Variants in MEGF10 observed in about 807,000 individuals in gnomAD.
MEGF10 encodes multiple epidermal growth factor-like domains protein 10.
A neutral mutation model predicts 147.5 loss-of-function variants in MEGF10; 86 were observed. The observed-to-expected ratio is 0.58, with a 90% CI of 0.49 to 0.70. MEGF10 has a LOEUF of 0.70. Among genes scored for constraint, MEGF10 ranks in the 30% least tolerant of loss-of-function variants. The pLI is 0.00. For synonymous variants in MEGF10, 478 were observed against 525.5 expected (o/e 0.91, Z 1.24); for missense variants, 1,329 against 1,487.3 (o/e 0.89, Z 1.75).
chr5:127,363,608 G>A (rs987747439), intron 4 of MEGF10, among the ~76,000 whole-genome samples: 2 of 152,086 alleles, frequency 1.3e-5, no homozygotes, highest in Non-Finnish European at 1.5e-5. Flanking sequence ...GCTGGCCCTG[G>A]TACAAGTAAG....
At position 127,455,280 on chromosome 5, in the gene MEGF10, T is replaced by C. The variant is rs368730019; in HGVS notation, c.3026-121T>C. ...TCCAAAACAAGTGGAAAAGGTACAGTATTATTTTCAGTGTGTAGAATTATG... is the reference window on the plus strand; with the variant it reads ...TCCAAAACAAGTGGAAAAGGTACAGCATTATTTTCAGTGTGTAGAATTATG... On this transcript the variant is annotated intron_variant, in intron 23 of 24. Coordinates refer to ENST00000503335, the MANE Select transcript of MEGF10 (RefSeq NM_001256545.2). 4.7e-5 allele frequency: 40 copies of C among 852,784 alleles called. No individual in the cohort carries two copies. The African/African-American group carries it at 5.8e-4, about 12-fold the overall frequency. The allele number at this position is 852,784 out of a possible 1,614,324, so 52.8% of individuals were successfully genotyped here.
intron 22 of MEGF10, among the ~76,000 whole-genome samples, chr5:127,451,737 A>AT (rs1297260959): frequency 1.6e-4 from 24 of 152,194 alleles, no homozygotes; most frequent in East Asian, 5.8e-4. Context: ...GGAACCTAGG[A>AT]TCTTCATTGG....
chr5:127,417,104 T>C (rs1231441222), intron 9 of MEGF10, among the ~76,000 whole-genome samples: 1 of 152,226 alleles, frequency 6.6e-6, no homozygotes, highest in Non-Finnish European at 1.5e-5. Flanking sequence ...TACGCGTGCA[T>C]CTCAGCGCAG....
At chr5:127,453,881 C>T (rs1028298738) in intron 22 of MEGF10, among the ~76,000 whole-genome samples, 18 of 152,168 alleles carry the variant, frequency 1.2e-4, no homozygotes, top group South Asian at 4.1e-4. Flanking sequence ...AGTGGTTGCA[C>T]GTTCTCTTGC....
At chr5:127,396,414 C>T (rs1203422752) in intron 5 of MEGF10, 118 bp from the exon 6 acceptor site, 6 of 1,237,270 alleles carry the variant, frequency 4.8e-6, no homozygotes, top group Non-Finnish European at 5.5e-6. Flanking sequence ...GGGGCCAGGG[C>T]CCTGATGTCC....
At chr5:127,290,398 A>C (rs1759191158), upstream of MEGF10, among the ~76,000 whole-genome samples, 1 of 152,124 alleles carries the variant, frequency 6.6e-6, no homozygotes, top group African/African-American at 2.4e-5. Flanking sequence ...GGCGCCGGCC[A>C]CCGTCCCACA....
chr5:127,356,946 T>G (rs947092551), intron 4 of MEGF10, among the ~76,000 whole-genome samples: 7 of 152,336 alleles, frequency 4.6e-5, no homozygotes, highest in Admixed American at 1.3e-4. Context: ...TCTTCCCTTT[T>G]CTTTCCCCAA....
chr5:127,289,543 G>C (rs1282480428), upstream of MEGF10, among the ~76,000 whole-genome samples: 1 of 152,136 alleles, frequency 6.6e-6, no homozygotes, highest in African/African-American at 2.4e-5. Context: ...AAAGAAAAAT[G>C]GAGGTACTGT....
intron 22 of MEGF10, among the ~76,000 whole-genome samples, chr5:127,452,515 T>G: frequency 6.6e-6 from 1 of 152,106 alleles, no homozygotes; most frequent in East Asian, 1.9e-4. Flanking sequence ...GGATCAACAT[T>G]TTGCTACAAG....
At chr5:127,290,131 T>C (rs1561550352), upstream of MEGF10, among the ~76,000 whole-genome samples, 2 of 152,062 alleles carry the variant, frequency 1.3e-5, no homozygotes, top group Non-Finnish European at 2.9e-5. Context: ...CCCCAATAAA[T>C]TGCCGCGCGA....
intron 23 of MEGF10, among the ~76,000 whole-genome samples, chr5:127,455,139 G>T (rs565193800): frequency 4.0e-4 from 61 of 152,166 alleles, no homozygotes; most frequent in Admixed American, 7.2e-4. Context: ...AAACGTAATT[G>T]ATTATATTCT....
intron 8 of MEGF10, among the ~76,000 whole-genome samples, chr5:127,407,434 A>G (rs1483193674): frequency 1.3e-5 from 2 of 152,188 alleles, no homozygotes; most frequent in Admixed American, 1.3e-4. Flanking sequence ...TAGAAACAAT[A>G]TTAAAACCAG....
At chr5:127,263,012 A>T in the MEGF10 span, among the ~76,000 whole-genome samples, 3 of 152,202 alleles carry the variant, frequency 2.0e-5, no homozygotes, top group Non-Finnish European at 1.5e-5. Flanking sequence ...AAGATAAAAA[A>T]GTAACAACAA....
intron 4 of MEGF10, among the ~76,000 whole-genome samples, chr5:127,349,396 A>G (rs762407496): frequency 6.6e-6 from 1 of 152,178 alleles, no homozygotes; most frequent in African/African-American, 2.4e-5. Flanking sequence ...TTTTAAGTGT[A>G]CCATTCAGCA....
At chr5:127,411,597 T>C (rs1561630106) in intron 9 of MEGF10, among the ~76,000 whole-genome samples, 2 of 152,172 alleles carry the variant, frequency 1.3e-5, no homozygotes, top group Non-Finnish European at 2.9e-5. Context: ...GTAATACATT[T>C]TAGTGGGACA....
Position 127,460,048 on chromosome 5 carries a change from A to C in MEGF10, c.*2730A>C, listed in dbSNP as rs755656945. ...GACATTGATGTCACTCTTCATACCA[A>C]GTGAATCTATTCTCATGAACTTTGA... On this transcript the variant is annotated 3_prime_UTR_variant, in exon 25 of 25. Transcript: ENST00000503335. 5 of 152,184 alleles carry C rather than the reference A, an allele frequency of 3.3e-5. No homozygotes were observed. Among genetic ancestry groups the C allele is most frequent in the South Asian group, 2.1e-4 (1 of 4,826 alleles). 9.4% of individuals were successfully genotyped at this position (152,184 alleles called of 1,614,324 possible). A position where few individuals can be genotyped will look rare whatever the true frequency, so the allele number is the denominator to read the frequency against.
At chr5:127,414,157 T>A (rs561105975) in intron 9 of MEGF10, among the ~76,000 whole-genome samples, 1 of 152,346 alleles carries the variant, frequency 6.6e-6, no homozygotes, top group African/African-American at 2.4e-5. Flanking sequence ...CTGATCCTGT[T>A]GACCCCTTTA....
chr5:127,314,754 C>T (rs1760451431), intron 1 of MEGF10, among the ~76,000 whole-genome samples: 1 of 152,162 alleles, frequency 6.6e-6, no homozygotes, highest in East Asian at 1.9e-4. Flanking sequence ...TATTTCTACC[C>T]TTCATAGATT....
At chr5:127,408,125 A>G (rs941388317) in intron 8 of MEGF10, among the ~76,000 whole-genome samples, 3 of 152,202 alleles carry the variant, frequency 2.0e-5, no homozygotes, top group African/African-American at 7.2e-5. Flanking sequence ...TGAGAAAGGA[A>G]GTCTCTGCCA....
Sources: gnomAD v4.1 joint callset for allele counts (sites outside exome capture counted in the v4.1 genomes callset) on GRCh38, gnomAD v4.1.1 for gene constraint, MANE v1.5 for transcripts, NCBI Gene and HGNC (gene_info 2026-07-23, HGNC 2026-07-21) for gene names.